Variants in KLF17 observed in about 807,000 individuals in gnomAD.
KLF17 encodes the protein Krueppel-like factor 17.
A neutral mutation model predicts 34.2 loss-of-function variants in KLF17; 31 were observed. The observed-to-expected ratio is 0.91, with a 90% CI of 0.68 to 1.22. KLF17 has a LOEUF of 1.22. KLF17 is among the 50% of genes most tolerant of loss of function. The probability of loss-of-function intolerance (pLI) is 0.00; values close to 1 mark genes in which losing one functional copy is unlikely to be tolerated. For missense variants in KLF17, 478 were observed against 505.2 expected (o/e 0.95, Z 0.52); for synonymous variants, 179 against 186.7 (o/e 0.96, Z 0.34).
In KLF17 at chr1:44,130,579, A is replaced by G. The variant is rs2088095936; in HGVS notation, c.993A>G (p.Arg331=). 2 of 1,613,940 alleles carry G rather than the reference A, an allele frequency of 1.2e-6. No homozygotes were observed. The highest frequency in any genetic ancestry group is 1.7e-6 in the Non-Finnish European group (2 of 1,180,024). The part of the protein sequence containing the change: ...SWSFFRSDEL[R]RHMRVHTRYR... ...CTTTCTTCCGTTCTGATGAGCTTAG[A>G]CGACATATGCGGGTACACACCAGAT... Residue 331 remains arginine, a synonymous_variant, in exon 3 of 4, where the codon AGA becomes AGG. Coordinates refer to ENST00000372299, the MANE Select transcript of KLF17 (RefSeq NM_173484.4).
the KLF17 span, among the ~76,000 whole-genome samples, chr1:44,059,047 C>T: frequency 2.6e-5 from 4 of 152,124 alleles, no homozygotes; most frequent in African/African-American, 4.8e-5. Flanking sequence ...AGTACACCTA[C>T]GGCTGTTAAA....
the KLF17 span, among the ~76,000 whole-genome samples, chr1:44,073,487 T>C: frequency 5.3e-5 from 8 of 152,292 alleles, no homozygotes; most frequent in African/African-American, 1.9e-4. Context: ...ACTACAGGCA[T>C]GAGCTACTAT....
chr1:44,100,280 G>A, the KLF17 span, among the ~76,000 whole-genome samples: 41,657 of 147,410 alleles, frequency 0.28, 6,328 homozygotes, highest in South Asian at 0.34. Context: ...AAAAGAGAGA[G>A]AGAGAAAGAA....
At chr1:44,085,635 A>C in the KLF17 span, among the ~76,000 whole-genome samples, 1 of 152,012 alleles carries the variant, frequency 6.6e-6, no homozygotes, top group Admixed American at 6.6e-5. Flanking sequence ...TCTACAAAAA[A>C]TAAAAATAAA....
intron 1 of KLF17, among the ~76,000 whole-genome samples, chr1:44,120,815 T>C (rs2087936853): frequency 6.6e-6 from 1 of 152,124 alleles, no homozygotes; most frequent in African/African-American, 2.4e-5. Flanking sequence ...GCTGAGCATA[T>C]AGTGGTAAAT....
At chr1:44,130,808 T>A (rs781072026) in intron 3 of KLF17, 52 bp downstream of exon 3, 2 of 1,585,528 alleles carry the variant, frequency 1.3e-6, no homozygotes, top group East Asian at 2.2e-5. Flanking sequence ...TTCCTTTTTA[T>A]TTTTTTGAGA....
the KLF17 span, among the ~76,000 whole-genome samples, chr1:44,063,850 T>C: frequency 6.6e-6 from 1 of 152,204 alleles, no homozygotes; most frequent in Non-Finnish European, 1.5e-5. Flanking sequence ...CTTGGGACCA[T>C]CTTAGTAAGG....
the KLF17 span, among the ~76,000 whole-genome samples, chr1:44,100,446 T>C: frequency 6.6e-6 from 1 of 151,886 alleles, no homozygotes; most frequent in African/African-American, 2.4e-5. Context: ...ATTTTATAAA[T>C]TGAAACAAAA....
rs2088071878 is a variant in KLF17, at chr1:44,129,364, C to G, written c.93C>G (p.Asn31Lys). The change falls in exon 2 of 4, where the codon AAC (asparagine) becomes AAG (lysine). Residue 31 changes from asparagine (N) to lysine (K), a missense_variant. By Grantham distance (94) the Asn-to-Lys change is moderately conservative. Coordinates refer to ENST00000372299, the MANE Select transcript of KLF17 (RefSeq NM_173484.4). ...TCTTTTTCCCCAAGGATAACGAGAA[C>G]TCAGCGCCCATCTTGAACATGTCTT... is the stretch of plus-strand genomic sequence containing the variant. The part of the protein sequence containing the change: ...AAHQAAQDNE[N>K]SAPILNMSSS... 3 of 1,513,622 alleles carry G rather than the reference C, an allele frequency of 2.0e-6. No individual in the cohort carries two copies. Among genetic ancestry groups the G allele is most frequent in the South Asian group, 1.3e-5 (1 of 74,356 alleles). The allele number at this position is 1,513,622 out of a possible 1,614,324, so 93.8% of individuals were successfully genotyped here.
chr1:44,100,229 G>C, the KLF17 span, among the ~76,000 whole-genome samples: 1 of 147,706 alleles, frequency 6.8e-6, no homozygotes, highest in Non-Finnish European at 1.5e-5. Flanking sequence ...CTGAACTCTA[G>C]CCTGGGTAAC....
the KLF17 span, among the ~76,000 whole-genome samples, chr1:44,080,432 G>A: frequency 5.3e-4 from 80 of 150,418 alleles, no homozygotes; most frequent in Admixed American, 8.6e-4. Context: ...TAGAGACGGG[G>A]TTTCACCATG....
At chr1:44,062,947 A>G in the KLF17 span, among the ~76,000 whole-genome samples, 1 of 152,232 alleles carries the variant, frequency 6.6e-6, no homozygotes, top group Non-Finnish European at 1.5e-5. Context: ...GAATGTTCAT[A>G]GTAGCTTTAT....
At chr1:44,079,930 T>C in the KLF17 span, among the ~76,000 whole-genome samples, 97 of 151,920 alleles carry the variant, frequency 6.4e-4, no homozygotes, top group African/African-American at 2.2e-3. Context: ...CCATGTCTTT[T>C]TTTTTTTTCT....
chr1:44,125,990 T>C (rs2088002947), intron 1 of KLF17, among the ~76,000 whole-genome samples: 1 of 151,726 alleles, frequency 6.6e-6, no homozygotes, highest in African/African-American at 2.4e-5. Context: ...GATTCCCTAA[T>C]AGTTGGAGGA....
the KLF17 span, among the ~76,000 whole-genome samples, chr1:44,072,683 G>T: frequency 6.6e-6 from 1 of 152,066 alleles, no homozygotes; most frequent in South Asian, 2.1e-4. Flanking sequence ...GACAGAGCAA[G>T]ACCTTGTCTG....
At chr1:44,087,021 G>A in the KLF17 span, among the ~76,000 whole-genome samples, 42 of 152,248 alleles carry the variant, frequency 2.8e-4, no homozygotes, top group African/African-American at 9.4e-4. Flanking sequence ...AGCCATATTC[G>A]GCAGCATCGA....
In KLF17 at chr1:44,134,354, A is replaced by T. The variant is rs1231304219; in HGVS notation, c.*1117A>T. 1 of 152,230 alleles carries T rather than the reference A, an allele frequency of 6.6e-6. No homozygotes were observed. The highest frequency in any genetic ancestry group is 2.4e-5 in the African/African-American group (1 of 41,452). 9.4% of individuals were successfully genotyped at this position (152,230 alleles called of 1,614,324 possible). On this transcript the variant is annotated 3_prime_UTR_variant, in exon 4 of 4. Coordinates refer to ENST00000372299, the MANE Select transcript of KLF17 (RefSeq NM_173484.4). ...GAGACCAGCCGGGCCAACATGGTGAAACCCCATCTCTACAAAAAATACAAA... is the reference window on the plus strand; with the variant it reads ...GAGACCAGCCGGGCCAACATGGTGATACCCCATCTCTACAAAAAATACAAA...
the KLF17 span, chr1:44,051,349 T>A: frequency 1.3e-5 from 2 of 152,306 alleles, no homozygotes; most frequent in East Asian, 3.9e-4. Context: ...TCATGTAGGA[T>A]CCGGCAGGCT....
chr1:44,070,587 T>C, the KLF17 span, among the ~76,000 whole-genome samples: 19 of 145,084 alleles, frequency 1.3e-4, no homozygotes, highest in African/African-American at 4.8e-4. Flanking sequence ...CCTTTTCCCT[T>C]GTCTTTTTTT....
Sources: allele counts gnomAD v4.1 joint callset (sites outside exome capture counted in the v4.1 genomes callset), GRCh38; gene constraint gnomAD v4.1.1; transcripts MANE v1.5; gene names NCBI Gene and HGNC (gene_info 2026-07-23, HGNC 2026-07-21).